The following MYRIP variants were observed in gnomAD, a reference collection of about 807,000 sequenced individuals.
MYRIP encodes the protein myosin VIIA and Rab interacting protein.
Under a neutral mutation model 98.0 loss-of-function variants are expected in MYRIP, and 49 were observed. The ratio of observed to expected loss-of-function variants is 0.50; its 90% CI spans 0.40 to 0.63. MYRIP has a LOEUF of 0.63. MYRIP is among the 30% of genes least tolerant of loss of function. The probability of loss-of-function intolerance (pLI) is 0.00; values close to 1 mark genes in which losing one functional copy is unlikely to be tolerated. For synonymous variants in MYRIP, 404 were observed against 409.5 expected (o/e 0.99, Z 0.16); for missense variants, 1,004 against 1,058.2 (o/e 0.95, Z 0.71).
intron 1 of MYRIP, among the ~76,000 whole-genome samples, chr3:39,864,541 C>G (rs866287494): frequency 2.6e-5 from 4 of 152,138 alleles, no homozygotes; most frequent in African/African-American, 9.7e-5. Flanking sequence ...TAATCCAGTT[C>G]CATTAACAAT....
At chr3:40,233,315 C>T (rs193117845) in intron 11 of MYRIP, among the ~76,000 whole-genome samples, 1 of 152,280 alleles carries the variant, frequency 6.6e-6, no homozygotes, top group East Asian at 1.9e-4. Flanking sequence ...AATACACTGT[C>T]TATCAAGAAA....
chr3:40,203,370 C>T (rs907886798), intron 10 of MYRIP, among the ~76,000 whole-genome samples: 14 of 151,946 alleles, frequency 9.2e-5, no homozygotes, highest in African/African-American at 2.9e-4. Flanking sequence ...GTTGGCACCA[C>T]CCTAAATATA....
At chr3:40,222,363 CA>C (rs1952361846) in intron 11 of MYRIP, among the ~76,000 whole-genome samples, 1 of 152,132 alleles carries the variant, frequency 6.6e-6, no homozygotes, top group African/African-American at 2.4e-5. Context: ...ACTGACATAG[CA>C]CACTGGTGGG....
At chr3:40,113,565 TG>T (rs1181077429) in intron 3 of MYRIP, among the ~76,000 whole-genome samples, 1 of 152,258 alleles carries the variant, frequency 6.6e-6, no homozygotes, top group Non-Finnish European at 1.5e-5. Context: ...GTTACCCATT[TG>T]GAAACAACAA....
At chr3:39,822,690 C>T (rs1941138330) in intron 1 of MYRIP, among the ~76,000 whole-genome samples, 1 of 152,196 alleles carries the variant, frequency 6.6e-6, no homozygotes, top group Non-Finnish European at 1.5e-5. Flanking sequence ...CTCCCTTTCT[C>T]TACCCTTCCC....
At position 40,040,992 on chromosome 3, in the gene MYRIP, AAG is replaced by A. The variant is rs1190760687; in HGVS notation, c.111-3056_111-3055del. ...AACTTAGAGTATAATAAAAAAAAAAAAGAAAAAAAAAAAGAAAATATTACCAG... is the reference window on the plus strand; with the variant it reads ...AACTTAGAGTATAATAAAAAAAAAAAAAAAAAAAAAAGAAAATATTACCAG... On this transcript the variant is annotated intron_variant, in intron 2 of 16. Coordinates refer to ENST00000302541, the MANE Select transcript of MYRIP (RefSeq NM_015460.4). 6.4e-3 allele frequency among the ~76,000 whole-genome samples: 372 copies of A among 58,094 alleles called. 7 individuals are homozygous for A. Among genetic ancestry groups the A allele is most frequent in the African/African-American group, 0.021 (351 of 16,518 alleles). 38.1% of individuals were successfully genotyped at this position (58,094 alleles called of 152,430 possible).
chr3:40,164,317 T>C (rs997627433), intron 5 of MYRIP, among the ~76,000 whole-genome samples: 25 of 152,212 alleles, frequency 1.6e-4, no homozygotes, highest in Admixed American at 6.5e-5. Context: ...ACACTAAGTA[T>C]ATATGTATGT....
chr3:40,035,997 A>G (rs1947372825), intron 2 of MYRIP, among the ~76,000 whole-genome samples: 1 of 151,982 alleles, frequency 6.6e-6, no homozygotes, highest in Non-Finnish European at 1.5e-5. Context: ...TGAAACAAAG[A>G]GATTAGGAGA....
chr3:39,990,143 G>A (rs1048761007), intron 2 of MYRIP, among the ~76,000 whole-genome samples: 2 of 152,216 alleles, frequency 1.3e-5, no homozygotes, highest in South Asian at 4.1e-4. Flanking sequence ...TCATGAGTTG[G>A]ATCTTCCAAA....
intron 3 of MYRIP, among the ~76,000 whole-genome samples, chr3:40,055,383 AAAAC>A (rs2125842852): frequency 6.6e-6 from 1 of 152,328 alleles, no homozygotes; most frequent in South Asian, 2.1e-4. Context: ...TATCAAATAG[AAAAC>A]AAACTGCCAT....
At chr3:40,257,886 C>T (rs1953648517) in intron 16 of MYRIP, among the ~76,000 whole-genome samples, 1 of 152,166 alleles carries the variant, frequency 6.6e-6, no homozygotes, top group African/African-American at 2.4e-5. Context: ...GAATACTGGA[C>T]ATTGGGATGG....
At chr3:39,996,868 G>T (rs1426699355) in intron 2 of MYRIP, among the ~76,000 whole-genome samples, 2 of 152,148 alleles carry the variant, frequency 1.3e-5, no homozygotes, top group African/African-American at 4.8e-5. Flanking sequence ...TAGGACTCAG[G>T]ATTAAGAAAC....
At chr3:40,237,254 C>T (rs912103765) in intron 12 of MYRIP, among the ~76,000 whole-genome samples, 2 of 152,306 alleles carry the variant, frequency 1.3e-5, no homozygotes, top group South Asian at 4.1e-4. Context: ...TGTCTGTTCA[C>T]TTTTCACACT....
chr3:40,177,508 G>C (rs1950791992), intron 8 of MYRIP, among the ~76,000 whole-genome samples: 1 of 152,164 alleles, frequency 6.6e-6, no homozygotes, highest in Admixed American at 6.5e-5. Flanking sequence ...CCACTGCTTA[G>C]GCTTGACTGC....
chr3:40,169,452 A>G (rs1010730686), intron 7 of MYRIP, among the ~76,000 whole-genome samples: 4 of 152,294 alleles, frequency 2.6e-5, no homozygotes, highest in Middle Eastern at 3.4e-3. Context: ...ATTTGGAGCC[A>G]TTCTGGTGAC....
At chr3:40,127,353 G>T (rs4676573) in intron 3 of MYRIP, among the ~76,000 whole-genome samples, 3,711 of 152,142 alleles carry the variant, frequency 0.024, 98 homozygotes, top group African/African-American at 0.061. Context: ...ACTTGCTTTT[G>T]GTCACTTCGG....
At chr3:39,976,621 A>G (rs1945758607) in intron 2 of MYRIP, among the ~76,000 whole-genome samples, 1 of 152,206 alleles carries the variant, frequency 6.6e-6, no homozygotes, top group Non-Finnish European at 1.5e-5. Flanking sequence ...CACTATTCAC[A>G]ATAGCAAAGA....
At chr3:40,127,693 A>G (rs1575559226) in intron 3 of MYRIP, among the ~76,000 whole-genome samples, 1 of 152,260 alleles carries the variant, frequency 6.6e-6, no homozygotes, top group African/African-American at 2.4e-5. Flanking sequence ...TGCTACCCAG[A>G]CTCCCTTCTC....
intron 3 of MYRIP, among the ~76,000 whole-genome samples, chr3:40,070,219 T>TA (rs1217074900): frequency 6.6e-6 from 1 of 152,288 alleles, no homozygotes; most frequent in East Asian, 1.9e-4. Flanking sequence ...CAGGGCACTT[T>TA]AATTCTGAAA....
Sources: allele counts gnomAD v4.1 joint callset (sites outside exome capture counted in the v4.1 genomes callset), GRCh38; gene constraint gnomAD v4.1.1; transcripts MANE v1.5; gene names NCBI Gene and HGNC (gene_info 2026-07-23, HGNC 2026-07-21).